The following PAG1 variants were observed in gnomAD, a reference collection of about 807,000 sequenced individuals.
PAG1 encodes phosphoprotein associated with glycosphingolipid-enriched microdomains 1.
Under a neutral mutation model 31.7 loss-of-function variants are expected in PAG1, and 23 were observed. That is an observed-to-expected ratio of 0.73 (90% CI 0.52 to 1.03). The LOEUF is 1.03. PAG1 is among the 50% of genes least tolerant of loss of function. PAG1 has a pLI of 0.00. For synonymous variants in PAG1, 214 were observed against 210.3 expected (o/e 1.02, Z -0.15); for missense variants, 473 against 540.7 (o/e 0.87, Z 1.24).
At chr8:80,977,523 G>A (rs114738722) in intron 8 of PAG1, among the ~76,000 whole-genome samples, 225 of 152,288 alleles carry the variant, frequency 1.5e-3, no homozygotes, top group African/African-American at 4.8e-3. Context: ...TCCAACACCC[G>A]TTGCTGGATT....
chr8:81,050,255 G>T (rs993570528), intron 2 of PAG1, among the ~76,000 whole-genome samples: 1 of 152,114 alleles, frequency 6.6e-6, no homozygotes, highest in Non-Finnish European at 1.5e-5. Flanking sequence ...ATTTTGCAAT[G>T]AAGCATTTAA....
rs569569306 is a variant in PAG1, at chr8:80,990,843, A to G, written c.177+636T>C. ...TCATGTCCAAGTCCTAACCCCCAGC[A>G]CCTGAGAATATGGTCTCATTTGGAA... On this transcript the variant is annotated intron_variant, in intron 5 of 8. Coordinates refer to ENST00000220597, the MANE Select transcript of PAG1 (RefSeq NM_018440.4). The surrounding 1 kb of genome is among the most constrained non-coding windows in gnomAD (Gnocchi z 5.1). 6.6e-6 allele frequency among the ~76,000 whole-genome samples: 1 copy of G among 152,282 alleles called. No homozygotes were observed. The highest frequency in any genetic ancestry group is 1.9e-4 in the East Asian group (1 of 5,186).
At chr8:81,072,267 C>T (rs1213482190) in intron 1 of PAG1, among the ~76,000 whole-genome samples, 3 of 152,234 alleles carry the variant, frequency 2.0e-5, no homozygotes, top group Admixed American at 6.5e-5. Context: ...ACTGTGTCCT[C>T]AGCCAGTCAC....
intron 2 of PAG1, among the ~76,000 whole-genome samples, chr8:81,032,387 T>C (rs1198009322): frequency 6.6e-6 from 1 of 151,984 alleles, no homozygotes; most frequent in African/African-American, 2.4e-5. Flanking sequence ...CAACCAAAAA[T>C]GGGCAAAGGA....
rs140696748 is a variant in PAG1, at chr8:81,081,679, A to G, written c.-233-11509T>C. On this transcript the variant is annotated intron_variant, in intron 1 of 8. Transcript: ENST00000220597. The stretch of plus-strand genomic sequence containing the variant: ...TGTTATATAAATGGAGTCATGTTAC[A>G]TGTAGCCATTTGGGATTGGGCTTAT... 2.6e-5 allele frequency among the ~76,000 whole-genome samples: 4 copies of G among 152,158 alleles called. No homozygotes were observed. In the East Asian group the frequency reaches 5.8e-4, roughly 22 times the overall value.
At position 80,983,128 on chromosome 8, in the gene PAG1, C is replaced by T. The variant is rs1807341861; in HGVS notation, c.876+1648G>A. ...GCTGTCCTTGCTCTTCCCTCTCCACCCACAGCAGTCCCCTCCTCTTCCCTT... is the reference window on the plus strand; with the variant it reads ...GCTGTCCTTGCTCTTCCCTCTCCACTCACAGCAGTCCCCTCCTCTTCCCTT... On this transcript the variant is annotated intron_variant, in intron 7 of 8. Coordinates refer to ENST00000220597, the MANE Select transcript of PAG1 (RefSeq NM_018440.4). Among the ~76,000 whole-genome samples the T allele has an allele frequency of 2.6e-5, 4 of 152,186 alleles. No individual in the cohort carries two copies. The South Asian group carries it at 8.3e-4, about 31-fold the overall frequency.
intron 2 of PAG1, among the ~76,000 whole-genome samples, chr8:81,046,825 G>A (rs1039894897): frequency 2.6e-5 from 4 of 152,060 alleles, no homozygotes; most frequent in East Asian, 1.9e-4. Flanking sequence ...GTTATTCTTC[G>A]TGATGCTCTC....
chr8:81,018,941 A>G (rs959325218), intron 3 of PAG1, among the ~76,000 whole-genome samples: 3 of 152,350 alleles, frequency 2.0e-5, no homozygotes, highest in African/African-American at 7.2e-5. Context: ...AATGTGGCAA[A>G]GTTTGGAACT....
At position 80,973,478 on chromosome 8, in the gene PAG1, A is replaced by G. The variant is rs748364777; in HGVS notation, c.*3066T>C. On this transcript the variant is annotated 3_prime_UTR_variant, in exon 9 of 9. Coordinates refer to ENST00000220597, the MANE Select transcript of PAG1 (RefSeq NM_018440.4). Reference sequence around the variant, plus strand: ...TACAAAATGCTTCTAAACTTTCAAAATATCTGAATAAAAACAAAGATCCTA... The same window carrying G: ...TACAAAATGCTTCTAAACTTTCAAAGTATCTGAATAAAAACAAAGATCCTA... 1.3e-5 allele frequency: 2 copies of G among 152,212 alleles called. No individual in the cohort carries two copies. Among genetic ancestry groups the G allele is most frequent in the Admixed American group, 6.5e-5 (1 of 15,286 alleles). 9.4% of individuals were successfully genotyped at this position (152,212 alleles called of 1,614,324 possible).
chr8:81,001,708 C>T (rs148445890), intron 3 of PAG1, among the ~76,000 whole-genome samples: 9 of 152,216 alleles, frequency 5.9e-5, no homozygotes, highest in East Asian at 1.9e-4. Flanking sequence ...TGACCCTTTG[C>T]GGTAGATGTT....
chr8:81,083,097 A>G (rs149146950), intron 1 of PAG1, among the ~76,000 whole-genome samples: 1 of 152,140 alleles, frequency 6.6e-6, no homozygotes, highest in East Asian at 1.9e-4. Context: ...CTGTGTTATT[A>G]TTGCTGGTTC....
At chr8:81,064,039 G>C (rs1808962879) in intron 2 of PAG1, among the ~76,000 whole-genome samples, 1 of 129,114 alleles carries the variant, frequency 7.7e-6, no homozygotes, top group African/African-American at 5.0e-5. Flanking sequence ...AGCATTCCTG[G>C]AACTGTTAAT....
intron 2 of PAG1, among the ~76,000 whole-genome samples, chr8:81,064,992 AT>A (rs1164010872): frequency 6.6e-6 from 1 of 152,190 alleles, no homozygotes; most frequent in Non-Finnish European, 1.5e-5. Flanking sequence ...AACAGCAGAG[AT>A]CCGAAGAGAC....
At chr8:81,009,136 A>G (rs2130654468) in intron 3 of PAG1, among the ~76,000 whole-genome samples, 1 of 152,306 alleles carries the variant, frequency 6.6e-6, no homozygotes, top group Non-Finnish European at 1.5e-5. Flanking sequence ...ATTATCTTTA[A>G]TTATAGCAAT....
chr8:81,108,528 G>C (rs1809727566), intron 1 of PAG1, among the ~76,000 whole-genome samples: 1 of 143,086 alleles, frequency 7.0e-6, no homozygotes, highest in Admixed American at 6.9e-5. Context: ...CATTAAATCA[G>C]TCTGTGATTT....
At chr8:80,993,688 C>T (rs1413076549) in intron 3 of PAG1, among the ~76,000 whole-genome samples, 2 of 151,608 alleles carry the variant, frequency 1.3e-5, no homozygotes, top group Non-Finnish European at 2.9e-5. Context: ...GCCTTGACCT[C>T]CCTGGGCTCA....
At chr8:80,996,611 T>C in intron 3 of PAG1, among the ~76,000 whole-genome samples, 1 of 152,166 alleles carries the variant, frequency 6.6e-6, no homozygotes, top group East Asian at 1.9e-4. Context: ...CCCCTGTGCA[T>C]GGGGATGGCC....
chr8:80,977,375 A>T (rs749402016), intron 8 of PAG1, among the ~76,000 whole-genome samples: 2 of 152,208 alleles, frequency 1.3e-5, no homozygotes, highest in Non-Finnish European at 2.9e-5. Context: ...TCAGAAAGGC[A>T]AGTTCTCAGG....
chr8:81,092,793 A>T (rs564049510), intron 1 of PAG1, among the ~76,000 whole-genome samples: 17 of 152,330 alleles, frequency 1.1e-4, no homozygotes, highest in Non-Finnish European at 2.1e-4. Context: ...AATCACTTTT[A>T]ATCCCTAACT....
Sources: allele counts gnomAD v4.1 joint callset (sites outside exome capture counted in the v4.1 genomes callset), GRCh38; gene constraint gnomAD v4.1.1; non-coding constraint Gnocchi (gnomAD v3.1); transcripts MANE v1.5; gene names NCBI Gene and HGNC (gene_info 2026-07-23, HGNC 2026-07-21).